Variants in CEP63 observed in about 807,000 individuals in gnomAD.
CEP63 encodes centrosomal protein of 63 kDa.
CEP63 carries 84 observed loss-of-function variants against 89.1 expected under a neutral mutation model. The observed-to-expected ratio is 0.94, with a 90% confidence interval of 0.79 to 1.13. CEP63 has a LOEUF of 1.13. CEP63 is among the 50% of genes most tolerant of loss of function. The pLI is 0.00. For synonymous variants in CEP63, 267 were observed against 272.5 expected (o/e 0.98, Z 0.20); for missense variants, 838 against 813.3 (o/e 1.03, Z -0.37).
At chr3:134,752,532 C>T in the CEP63 span, among the ~76,000 whole-genome samples, 3 of 152,160 alleles carry the variant, frequency 2.0e-5, no homozygotes, top group African/African-American at 4.8e-5. Flanking sequence ...ACTCCTCCTG[C>T]AGGAAATTAC....
At chr3:134,602,716 CCTGGAGGGCACTCCAGGCCTTAGA>C in the CEP63 span, among the ~76,000 whole-genome samples, 2 of 152,172 alleles carry the variant, frequency 1.3e-5, no homozygotes, top group Non-Finnish European at 2.9e-5. Context: ...TCTGTGAGGG[CCTGGAGGGCACTCCAGGCCTTAGA>C]CTGAACTACC....
the CEP63 span, chr3:134,597,707 CTGT>C: frequency 6.6e-6 from 1 of 152,294 alleles, no homozygotes; most frequent in Non-Finnish European, 1.5e-5. Flanking sequence ...TTGGAACTTC[CTGT>C]TGGGTTGGCT....
Position 134,553,943 on chromosome 3 carries a change from A to G in CEP63, c.1467+1931A>G, listed in dbSNP as rs117700460. On this transcript the variant is annotated intron_variant, in intron 12 of 14. Coordinates refer to ENST00000675561, the MANE Select transcript of CEP63 (RefSeq NM_001353108.3). The stretch of plus-strand genomic sequence containing the variant: ...TTTGAAATAAACTATATTTATTTCA[A>G]TGGTTAATTTTTGATTTTATGAATA... 5.9e-3 allele frequency among the ~76,000 whole-genome samples: 903 copies of G among 152,174 alleles called. 22 individuals carry two copies. The South Asian group carries it at 0.074, about 12-fold the overall frequency.
At chr3:134,589,303 A>G (rs1362668754), downstream of CEP63, among the ~76,000 whole-genome samples, 1 of 152,234 alleles carries the variant, frequency 6.6e-6, no homozygotes, top group Non-Finnish European at 1.5e-5. Flanking sequence ...TAAACAAATT[A>G]TGACCATATC....
At chr3:134,668,343 G>A in the CEP63 span, among the ~76,000 whole-genome samples, 319 of 152,250 alleles carry the variant, frequency 2.1e-3, 6 homozygotes, top group East Asian at 0.049. Flanking sequence ...CCCTGGCCAG[G>A]TCAGGGAGGG....
At chr3:134,555,385 G>T (rs1378453062) in intron 12 of CEP63, among the ~76,000 whole-genome samples, 1 of 151,820 alleles carries the variant, frequency 6.6e-6, no homozygotes, top group South Asian at 2.1e-4. Flanking sequence ...CATTGTCTCA[G>T]CCCAAAATCT....
intron 6 of CEP63, among the ~76,000 whole-genome samples, chr3:134,538,533 G>GTATATATATATA (rs1404514000): frequency 5.7e-4 from 58 of 101,334 alleles, no homozygotes; most frequent in Non-Finnish European, 6.8e-4. Flanking sequence ...GTGTGTGTGT[G>GTATATATATATA]TATATATATA....
At position 134,538,521 on chromosome 3, in the gene CEP63, TTG is replaced by T. The variant is rs111236103; in HGVS notation, c.555+1265_555+1266del. Among the ~76,000 whole-genome samples the T allele has an allele frequency of 4.0e-3, 453 of 112,880 alleles. 36 individuals carry two copies. The highest frequency in any genetic ancestry group is 0.017 in the Middle Eastern group (4 of 230). 74.1% of individuals were successfully genotyped at this position (112,880 alleles called of 152,430 possible). ...AGCACCATAGAGACCTAATAAGAAA[TTG>T]TGTGTGTGTGTATATATATATATAT... On this transcript the variant is annotated intron_variant, in intron 6 of 14. Coordinates refer to ENST00000675561, the MANE Select transcript of CEP63 (RefSeq NM_001353108.3).
At chr3:134,669,612 A>T in the CEP63 span, among the ~76,000 whole-genome samples, 2 of 152,180 alleles carry the variant, frequency 1.3e-5, no homozygotes, top group South Asian at 4.1e-4. Flanking sequence ...GTGCTACCCC[A>T]TGAGAACTGT....
chr3:134,736,625 G>A, the CEP63 span, among the ~76,000 whole-genome samples: 1 of 152,108 alleles, frequency 6.6e-6, no homozygotes, highest in Non-Finnish European at 1.5e-5. Flanking sequence ...CCTTTCTGAA[G>A]AAATCATTAA....
chr3:134,755,053 T>C, the CEP63 span, among the ~76,000 whole-genome samples: 1 of 152,092 alleles, frequency 6.6e-6, no homozygotes, highest in Non-Finnish European at 1.5e-5. Flanking sequence ...TTACTAAAGG[T>C]AGCAGTGCTA....
At chr3:134,486,365 G>T in intron 1 of CEP63, 163 bp downstream of exon 1, 8 of 985,636 alleles carry the variant, frequency 8.1e-6, no homozygotes, top group Non-Finnish European at 9.6e-6. Flanking sequence ...TTTGCGCAAC[G>T]GCCTGCGAAC....
chr3:134,509,301 C>T (rs1944286200), intron 3 of CEP63, among the ~76,000 whole-genome samples: 1 of 152,244 alleles, frequency 6.6e-6, no homozygotes, highest in Middle Eastern at 3.4e-3. Flanking sequence ...AGGTGCTACA[C>T]ACTTCTAAAC....
At chr3:134,515,470 C>T (rs935428684) in intron 3 of CEP63, among the ~76,000 whole-genome samples, 1 of 152,090 alleles carries the variant, frequency 6.6e-6, no homozygotes, top group East Asian at 1.9e-4. Flanking sequence ...AAATATATAA[C>T]ATGCAAACAG....
intron 11 of CEP63, 28 bp downstream of exon 11, chr3:134,550,288 A>G (rs1954516014): frequency 1.2e-6 from 2 of 1,600,072 alleles, no homozygotes; most frequent in Non-Finnish European, 1.7e-6. Flanking sequence ...CCTTTTTTAA[A>G]TTTGAAATTT....
At chr3:134,726,637 A>C in the CEP63 span, among the ~76,000 whole-genome samples, 5 of 151,996 alleles carry the variant, frequency 3.3e-5, no homozygotes, top group Admixed American at 3.3e-4. Context: ...ATCTGAATGC[A>C]AGTACTGGTC....
At chr3:134,588,959 C>T (rs962955435), downstream of CEP63, among the ~76,000 whole-genome samples, 1 of 152,138 alleles carries the variant, frequency 6.6e-6, no homozygotes, top group Non-Finnish European at 1.5e-5. Flanking sequence ...AACATTTAAA[C>T]ACAATGGATA....
the CEP63 span, among the ~76,000 whole-genome samples, chr3:134,705,556 C>G: frequency 0.017 from 2,576 of 152,300 alleles, 53 homozygotes; most frequent in Non-Finnish European, 0.02. Flanking sequence ...CTTCTCCAAA[C>G]CATAGTAGAT....
the CEP63 span, chr3:134,607,682 G>T: frequency 1.0e-6 from 1 of 985,750 alleles, no homozygotes; most frequent in Non-Finnish European, 1.2e-6. Flanking sequence ...GCCCTCCAGG[G>T]CAGCCCCCGT....
Sources: gnomAD v4.1 joint callset for allele counts (sites outside exome capture counted in the v4.1 genomes callset) on GRCh38, gnomAD v4.1.1 for gene constraint, MANE v1.5 for transcripts, NCBI Gene and HGNC (gene_info 2026-07-23, HGNC 2026-07-21) for gene names.